Variants in DNAH17 observed in about 807,000 individuals in gnomAD.
The protein encoded by DNAH17 is axonemal beta dynein heavy chain 17.
A neutral mutation model predicts 485.6 loss-of-function variants in DNAH17; 376 were observed. The observed-to-expected ratio is 0.77, with a 90% CI of 0.71 to 0.84. The LOEUF is 0.84. Among genes scored for constraint, DNAH17 ranks in the 40% least tolerant of loss-of-function variants. The pLI is 0.00. For missense variants in DNAH17, 6,370 were observed against 5,839.3 expected (o/e 1.09, Z -2.96); for synonymous variants, 3,031 against 2,405.9 (o/e 1.26, Z -7.60).
At chr17:78,554,687 C>A (rs2091982619) in intron 14 of DNAH17, among the ~76,000 whole-genome samples, 1 of 152,096 alleles carries the variant, frequency 6.6e-6, no homozygotes, top group South Asian at 2.1e-4. Context: ...TATGGAATCA[C>A]AGAGTTAAAA....
At position 78,459,144 on chromosome 17, in the gene DNAH17, C is replaced by T. The variant is rs750715276; in HGVS notation, c.9718G>A (p.Gly3240Ser). 9.3e-6 allele frequency: 15 copies of T among 1,613,808 alleles called. No homozygotes were observed. Among genetic ancestry groups the T allele is most frequent in the Middle Eastern group, 1.6e-4 (1 of 6,084 alleles). ...ATGTTGATGCACCAGGAGCACAGGC[C>T]GGCGGCGGCCGTGGACTTGGAGCGG... ...FIRSKSTAAA[G>S]LCSWCINIVR... The change falls in exon 61 of 81, where the codon GGC becomes AGC. Residue 3240 changes from glycine to serine, a missense_variant. Physicochemically the swap from Gly to Ser is moderately conservative, Grantham distance 56. Transcript: ENST00000389840.
chr17:78,446,261 G>A (rs930653294), intron 69 of DNAH17, among the ~76,000 whole-genome samples: 2 of 143,716 alleles, frequency 1.4e-5, no homozygotes, highest in Non-Finnish European at 3.0e-5. Flanking sequence ...TCGCAGCATC[G>A]TGCAACCATC....
In DNAH17 at chr17:78,492,778, G is replaced by T. The variant is rs773253076; in HGVS notation, c.6409-13C>A. 1 of 1,609,692 alleles carries T rather than the reference G, an allele frequency of 6.2e-7. No individual in the cohort carries two copies. The highest frequency in any genetic ancestry group is 8.5e-7 in the Non-Finnish European group (1 of 1,177,938). ...GGGATTTGAGGACCTGGCGAAGGTG[G>T]GGGTCACTCACGTGTGACTCCATGT... On this transcript the variant is annotated splice_polypyrimidine_tract_variant and intron_variant, in intron 41 of 80. Transcript: ENST00000389840.
chr17:78,466,833 C>T lies in DNAH17; in HGVS notation c.8779-17G>A. Reference sequence around the variant, plus strand: ...CAGGATCACCTGGGTGTGGGAGACACAGATGCGCTGCCTACTGGGACTGCA... The same window carrying T: ...CAGGATCACCTGGGTGTGGGAGACATAGATGCGCTGCCTACTGGGACTGCA... On this transcript the variant is annotated splice_polypyrimidine_tract_variant and intron_variant, in intron 55 of 80. Transcript: ENST00000389840. The T allele has an allele frequency of 1.9e-6, 3 of 1,554,152 alleles. No individual in the cohort carries two copies. Among genetic ancestry groups the T allele is most frequent in the South Asian group, 2.4e-5 (2 of 83,230 alleles).
At chr17:78,450,184 A>C in intron 68 of DNAH17, 70 bp downstream of exon 68, 2 of 1,575,834 alleles carry the variant, frequency 1.3e-6, no homozygotes, top group South Asian at 2.2e-5. Flanking sequence ...TGTGGGCAAC[A>C]GGCCTGGCTG....
At chr17:78,468,973 T>C (rs1183352618) in intron 54 of DNAH17, 90 bp from the exon 55 acceptor site, 1 of 1,472,792 alleles carries the variant, frequency 6.8e-7, no homozygotes, top group Non-Finnish European at 9.0e-7. Flanking sequence ...ACAGGGCCAT[T>C]TTTTCTTTGA....
At chr17:78,548,202 CTTTTT>C (rs34701814) in intron 16 of DNAH17, among the ~76,000 whole-genome samples, 6 of 80,102 alleles carry the variant, frequency 7.5e-5, no homozygotes, top group African/African-American at 2.1e-4. Flanking sequence ...ATGTCATGGC[CTTTTT>C]TTTTTTTTTT....
chr17:78,530,482 C>A lies in DNAH17; in HGVS notation c.3145G>T (p.Val1049Leu). 2.5e-6 allele frequency: 4 copies of A among 1,611,546 alleles called. No individual in the cohort carries two copies. Among genetic ancestry groups the A allele is most frequent in the African/African-American group, 1.3e-5 (1 of 75,022 alleles). The change falls in exon 21 of 81, where the codon GTG becomes TTG. Residue 1049 changes from valine (V) to leucine (L), a missense_variant. Val to Leu is a conservative substitution (Grantham distance 32, BLOSUM62 1). Coordinates refer to ENST00000389840, the MANE Select transcript of DNAH17 (RefSeq NM_173628.4). ...ACCTTGGTGTTCTCGCACTTGGACA[C>A]CTCCTCATACAGCTTCTCGTAGGAG... is the stretch of plus-strand genomic sequence containing the variant. ...IDSYEKLYEEVSKCENTKVFH... is the reference protein window; with the variant it reads ...IDSYEKLYEELSKCENTKVFH...
intron 58 of DNAH17, among the ~76,000 whole-genome samples, 190 bp from the exon 59 acceptor site, chr17:78,460,447 C>T (rs2088062291): frequency 6.6e-6 from 1 of 152,110 alleles, no homozygotes; most frequent in Non-Finnish European, 1.5e-5. Flanking sequence ...TGCATATGTG[C>T]ATGTGTAGGC....
intron 74 of DNAH17, among the ~76,000 whole-genome samples, chr17:78,436,023 ACT>A (rs545956641): frequency 9.2e-5 from 14 of 152,246 alleles, no homozygotes; most frequent in Non-Finnish European, 1.3e-4. Context: ...TTAATGGGTG[ACT>A]CTGATATTTC....
intron 22 of DNAH17, 130 bp downstream of exon 22, chr17:78,529,342 G>GACA: frequency 1.1e-6 from 1 of 897,644 alleles, no homozygotes; most frequent in East Asian, 2.5e-5. Context: ...TGTTCCATGG[G>GACA]GATCTGATGT....
chr17:78,504,559 G>C (rs776800469), intron 31 of DNAH17, among the ~76,000 whole-genome samples: 4 of 150,530 alleles, frequency 2.7e-5, no homozygotes, highest in Non-Finnish European at 4.4e-5. Flanking sequence ...GTTTTCTCGA[G>C]ATTTTTTTTT....
chr17:78,425,756 C>CTTTTTTTTTT lies in DNAH17; in HGVS notation c.12916-195_12916-186dup, dbSNP rs71160294. On this transcript the variant is annotated intron_variant, in intron 79 of 80. Transcript: ENST00000389840. ...TACCATGACGCAACTTTGGTGTCTG[C>CTTTTTTTTTT]TTTTTTTTTTTTTTTTTTTTTTTTT... Among the ~76,000 whole-genome samples, 229 of 120,700 alleles carry CTTTTTTTTTT rather than the reference C, an allele frequency of 1.9e-3. 22 individuals are homozygous for CTTTTTTTTTT. The highest frequency in any genetic ancestry group is 8.2e-3 in the African/African-American group (216 of 26,204). 79.2% of individuals were successfully genotyped at this position (120,700 alleles called of 152,430 possible).
Position 78,505,280 on chromosome 17 carries a change from C to T in DNAH17, c.4956+13G>A, listed in dbSNP as rs374135485. Reference sequence around the variant, plus strand: ...TGTCCTGGGTTCCCTGTGTGGTGTGCGCACACACTCACCTGCCCCGAGAGG... The same window carrying T: ...TGTCCTGGGTTCCCTGTGTGGTGTGTGCACACACTCACCTGCCCCGAGAGG... On this transcript the variant is annotated intron_variant, in intron 31 of 80. Transcript: ENST00000389840. 2.7e-5 allele frequency: 43 copies of T among 1,613,490 alleles called. No individual in the cohort carries two copies. In the African/African-American group the frequency reaches 3.2e-4, roughly 12 times the overall value.
At chr17:78,507,874 T>A (rs1281626720) in intron 27 of DNAH17, 69 bp from the exon 28 acceptor site, 2 of 1,379,094 alleles carry the variant, frequency 1.5e-6, no homozygotes, top group African/African-American at 2.9e-5. Flanking sequence ...GACCCAGAGT[T>A]TCCAGGACAT....
intron 26 of DNAH17, chr17:78,510,754 C>CCCA (rs5822245): frequency 4.9e-6 from 2 of 404,994 alleles, no homozygotes; most frequent in Non-Finnish European, 9.0e-6. Flanking sequence ...AATTGCGGCC[C>CCCA]CCCCGCAAAA....
At position 78,451,519 on chromosome 17, in the gene DNAH17, G is replaced by A. The variant is rs772270560; in HGVS notation, c.10684C>T (p.Leu3562Phe). The change falls in exon 66 of 81, where the codon CTC (leucine) becomes TTC (phenylalanine). Residue 3562 changes from leucine to phenylalanine, a missense_variant. Transcript: ENST00000389840. ...TCTTTGGCCACCACAGCGGCCAAGA[G>A]TTGGTCCTCGAGTCCATCCCTGGTG... ...LVTRDGLEDQ[L>F]LAAVVAKERP... 24 of 1,613,722 alleles carry A rather than the reference G, an allele frequency of 1.5e-5. No individual in the cohort carries two copies. In the Middle Eastern group the frequency reaches 4.9e-4, roughly 33 times the overall value.
intron 31 of DNAH17, among the ~76,000 whole-genome samples, chr17:78,504,690 T>A (rs2090427533): frequency 6.6e-6 from 1 of 152,164 alleles, no homozygotes; most frequent in Non-Finnish European, 1.5e-5. Context: ...CCGGAAGTTT[T>A]CTGACGGCAG....
intron 77 of DNAH17, 116 bp downstream of exon 77, chr17:78,428,409 G>A: frequency 2.3e-6 from 3 of 1,289,186 alleles, no homozygotes; most frequent in Non-Finnish European, 3.3e-6. Context: ...CCAAGGCTGG[G>A]GCAGAGTGTA....
Sources: gnomAD v4.1 joint callset for allele counts (sites outside exome capture counted in the v4.1 genomes callset) on GRCh38, gnomAD v4.1.1 for gene constraint, MANE v1.5 for transcripts, NCBI Gene and HGNC (gene_info 2026-07-23, HGNC 2026-07-21) for gene names.